The following ZNF366 variants were observed in gnomAD, a reference collection of about 807,000 sequenced individuals.
The protein encoded by ZNF366 is dendritic cell-specific transcript protein.
Under a neutral mutation model 47.2 loss-of-function variants are expected in ZNF366, and 20 were observed. The ratio of observed to expected loss-of-function variants is 0.42; its 90% confidence interval spans 0.30 to 0.62. The LOEUF (loss-of-function observed/expected upper bound fraction) is 0.62. Among genes scored for constraint, ZNF366 ranks in the 20% least tolerant of loss-of-function variants. ZNF366 has a pLI of 0.16. For missense variants in ZNF366, 987 were observed against 976.3 expected, an observed-to-expected ratio of 1.01 and a Z score of -0.15; for synonymous variants, 421 against 395.1, an observed-to-expected ratio of 1.07 and a Z score of -0.78.
At chr5:72,501,936 C>T (rs1744218453) in intron 1 of ZNF366, among the ~76,000 whole-genome samples, 4 of 152,166 alleles carry the variant, frequency 2.6e-5, no homozygotes, top group African/African-American at 9.7e-5. Context: ...CCCATGCACA[C>T]AACAGCAGAA....
chr5:72,493,120 A>G (rs1279958553), intron 1 of ZNF366, among the ~76,000 whole-genome samples: 1 of 152,114 alleles, frequency 6.6e-6, no homozygotes, highest in African/African-American at 2.4e-5. Context: ...TATATATAGA[A>G]CTGCCCTTAT....
intron 1 of ZNF366, among the ~76,000 whole-genome samples, chr5:72,482,338 AG>A (rs1276406018): frequency 6.6e-6 from 1 of 152,194 alleles, no homozygotes; most frequent in Non-Finnish European, 1.5e-5. Context: ...AAAGTAGTCA[AG>A]GGGAAGTTTA....
chr5:72,461,251 C>T lies in ZNF366; in HGVS notation c.246G>A (p.Met82Ile). 6.2e-7 allele frequency: 1 copy of T among 1,614,106 alleles called. No homozygotes were observed. Among genetic ancestry groups the T allele is most frequent in the Non-Finnish European group, 8.5e-7 (1 of 1,180,018 alleles). The change falls in exon 2 of 5, where the codon ATG becomes ATA. Residue 82 changes from methionine (M) to isoleucine (I), a missense_variant. Physicochemically the swap from Met to Ile is conservative, Grantham distance 10 (BLOSUM62 1). Transcript: ENST00000318442. ...EGAGSRKRKS[M>I]PTKMPYNHPA... ...GGTGGTTATAGGGCATCTTTGTGGG[C>T]ATGCTCTTCCGTTTCCTAGACCCTG... is the stretch of plus-strand genomic sequence containing the variant.
intron 3 of ZNF366, among the ~76,000 whole-genome samples, chr5:72,456,156 C>A (rs1344032439): frequency 6.6e-6 from 1 of 152,216 alleles, no homozygotes; most frequent in Non-Finnish European, 1.5e-5. Flanking sequence ...TAGTGCCTGG[C>A]TCTACCCCTG....
intron 1 of ZNF366, among the ~76,000 whole-genome samples, chr5:72,475,701 C>G (rs922162115): frequency 3.9e-5 from 6 of 152,110 alleles, no homozygotes; most frequent in Non-Finnish European, 8.8e-5. Context: ...AGGAGTTCTG[C>G]TATTGATTTA....
intron 1 of ZNF366, among the ~76,000 whole-genome samples, chr5:72,469,237 G>A (rs946203597): frequency 9.2e-5 from 14 of 152,072 alleles, no homozygotes; most frequent in Non-Finnish European, 1.9e-4. Context: ...ATATTAGCTG[G>A]GGAGAGGTTG....
In ZNF366 at chr5:72,443,540, C is replaced by T; in HGVS notation, c.*216G>A. ...TATTATACTGGCAATGCATAAAACG[C>T]CACTGATGAAGACCCTGCACATGTG... is the stretch of plus-strand genomic sequence containing the variant. On this transcript the variant is annotated 3_prime_UTR_variant, in exon 5 of 5. Transcript: ENST00000318442. 1.9e-6 allele frequency: 1 copy of T among 521,426 alleles called. No individual in the cohort carries two copies. The highest frequency in any genetic ancestry group is 3.1e-5 in the East Asian group (1 of 32,304). The allele number at this position is 521,426 out of a possible 1,614,324, so 32.3% of individuals were successfully genotyped here.
chr5:72,465,686 T>G (rs1009831392), intron 1 of ZNF366, among the ~76,000 whole-genome samples: 1 of 152,044 alleles, frequency 6.6e-6, no homozygotes, highest in African/African-American at 2.4e-5. Context: ...CCAGAGACCC[T>G]GGAGAAAACC....
At chr5:72,465,021 G>A (rs1000256759) in intron 1 of ZNF366, among the ~76,000 whole-genome samples, 1 of 151,758 alleles carries the variant, frequency 6.6e-6, no homozygotes, top group Non-Finnish European at 1.5e-5. Flanking sequence ...TTGCACCACT[G>A]CACTCTAGTC....
intron 1 of ZNF366, among the ~76,000 whole-genome samples, chr5:72,499,540 T>C (rs1403141559): frequency 1.3e-5 from 2 of 149,328 alleles, no homozygotes; most frequent in Admixed American, 1.4e-4. Flanking sequence ...CCCGCCTTTA[T>C]AGATTAAGCA....
At chr5:72,486,531 CT>C (rs752901096) in intron 1 of ZNF366, among the ~76,000 whole-genome samples, 33 of 152,342 alleles carry the variant, frequency 2.2e-4, no homozygotes, top group Non-Finnish European at 4.3e-4. Flanking sequence ...CATTCTCTCC[CT>C]TCCCAAGGAC....
chr5:72,457,301 C>G (rs956187322), intron 2 of ZNF366, among the ~76,000 whole-genome samples: 1 of 152,122 alleles, frequency 6.6e-6, no homozygotes, highest in African/African-American at 2.4e-5. Context: ...GTGTTTGAAC[C>G]AAGGCCCTTA....
At chr5:72,448,420 C>T (rs768046021) in intron 3 of ZNF366, among the ~76,000 whole-genome samples, 10 of 152,186 alleles carry the variant, frequency 6.6e-5, no homozygotes, top group Non-Finnish European at 1.3e-4. Context: ...GAAAGCGCAA[C>T]CCAGAAGCAG....
At chr5:72,450,273 T>C (rs1276299237) in intron 3 of ZNF366, among the ~76,000 whole-genome samples, 1 of 152,214 alleles carries the variant, frequency 6.6e-6, no homozygotes, top group Non-Finnish European at 1.5e-5. Context: ...CCACACCTTC[T>C]GGGACCTTGG....
Position 72,460,447 on chromosome 5 carries a change from G to C in ZNF366, c.1050C>G (p.Ser350Arg), listed in dbSNP as rs558084315. 6.2e-7 allele frequency: 1 copy of C among 1,614,094 alleles called. No individual in the cohort carries two copies. Among genetic ancestry groups the C allele is most frequent in the South Asian group, 1.1e-5 (1 of 91,080 alleles). Reference protein sequence around the residue: ...RVCGRGFAYPSELKAHEAKHA... With the variant: ...RVCGRGFAYPRELKAHEAKHA... ...GCTTGGCTTCGTGGGCCTTGAGCTC[G>C]CTGGGGTAGGCAAAGCCGCGGCCGC... is the stretch of plus-strand genomic sequence containing the variant. The change falls in exon 2 of 5, where the codon AGC becomes AGG. Residue 350 changes from serine to arginine, a missense_variant. Physicochemically the swap from Ser to Arg is moderately radical, Grantham distance 110. Around this residue, in one of 3 missense-constraint regions of ZNF366, gnomAD observed 591 missense variants for 560.9 expected, o/e 1.05. Coordinates refer to ENST00000318442, the MANE Select transcript of ZNF366 (RefSeq NM_152625.3).
Position 72,460,611 on chromosome 5 carries a change from G to T in ZNF366, c.886C>A (p.Leu296Met). Residue 296 changes from leucine (L) to methionine (M), a missense_variant, in exon 2 of 5, where the codon CTG (leucine) becomes ATG (methionine). Physicochemically the swap from Leu to Met is conservative, Grantham distance 15. Around this residue, in one of 3 missense-constraint regions of ZNF366, gnomAD observed 591 missense variants for 560.9 expected, o/e 1.05. Coordinates refer to ENST00000318442, the MANE Select transcript of ZNF366 (RefSeq NM_152625.3). ...TGGTGGGTCAGCATGTGGGTATGCA[G>T]GTGGCTGAGCTGCTTGAAGAGCTTC... ...CGKLFKQLSH[L>M]HTHMLTHQGT... is the part of the protein sequence containing the mutation. 6.2e-7 allele frequency: 1 copy of T among 1,614,158 alleles called. No homozygotes were observed. The highest frequency in any genetic ancestry group is 8.5e-7 in the Non-Finnish European group (1 of 1,180,042).
intron 3 of ZNF366, among the ~76,000 whole-genome samples, chr5:72,455,086 C>T (rs545624099): frequency 2.6e-5 from 4 of 152,186 alleles, no homozygotes; most frequent in East Asian, 1.9e-4. Flanking sequence ...TTGCTTTAGA[C>T]GGATGTAAAT....
rs372233546 is a variant in ZNF366 at position 72,504,085 on chromosome 5, G to A, written c.-15+3166C>T. 3.6e-4 allele frequency among the ~76,000 whole-genome samples: 54 copies of A among 150,910 alleles called. 1 individual carries two copies. The highest frequency in any genetic ancestry group is 1.0e-3 in the African/African-American group (41 of 41,170). ...CACACACGCACGCACACACACATGC[G>A]CGCGCACACACGCGTGCATGCACAC... On this transcript the variant is annotated intron_variant, in intron 1 of 4. Transcript: ENST00000318442.
chr5:72,487,463 G>A (rs755222126), intron 1 of ZNF366, among the ~76,000 whole-genome samples: 4 of 152,170 alleles, frequency 2.6e-5, no homozygotes, highest in Non-Finnish European at 4.4e-5. Flanking sequence ...TTGATTCCAA[G>A]TCATTTCCAT....
Sources: gnomAD v4.1 joint callset for allele counts (sites outside exome capture counted in the v4.1 genomes callset) on GRCh38, gnomAD v4.1.1 for gene constraint, gnomAD v4.1.1 regional missense constraint, MANE v1.5 for transcripts, NCBI Gene and HGNC (gene_info 2026-07-23, HGNC 2026-07-21) for gene names.